The following USH2A variants were observed in gnomAD, a reference collection of about 807,000 sequenced individuals.
USH2A encodes Usher syndrome 2A (autosomal recessive, mild).
Under a neutral mutation model 538.9 loss-of-function variants are expected in USH2A, and 443 were observed. That is an observed-to-expected ratio of 0.82 (90% CI 0.76 to 0.89). The LOEUF (loss-of-function observed/expected upper bound fraction) is 0.89. Ranked by LOEUF, USH2A falls within the 40% of genes least tolerant of loss-of-function variation. The pLI, the probability that USH2A is intolerant of heterozygous loss-of-function variation, is 0.00. For missense variants in USH2A, 6,633 were observed against 6,324.8 expected (o/e 1.05, Z -1.65); for synonymous variants, 2,413 against 2,273.5 (o/e 1.06, Z -1.75).
chr1:216,066,948 G>A (rs572877254), intron 30 of USH2A, among the ~76,000 whole-genome samples: 5 of 152,178 alleles, frequency 3.3e-5, no homozygotes, highest in Non-Finnish European at 7.3e-5. Flanking sequence ...CTTCGATGCA[G>A]TTATTCCACT....
At chr1:216,372,743 G>A (rs530285574) in intron 3 of USH2A, among the ~76,000 whole-genome samples, 1 of 152,142 alleles carries the variant, frequency 6.6e-6, no homozygotes, top group Non-Finnish European at 1.5e-5. Flanking sequence ...AATAGGGAGA[G>A]TTCCAGCTGG....
chr1:216,055,638 C>A (rs114824374), intron 30 of USH2A, among the ~76,000 whole-genome samples: 2 of 152,160 alleles, frequency 1.3e-5, no homozygotes, highest in Non-Finnish European at 2.9e-5. Flanking sequence ...TGGATGAAAA[C>A]TTAACTATCT....
intron 20 of USH2A, among the ~76,000 whole-genome samples, chr1:216,178,363 A>G (rs1375092556): frequency 2.0e-5 from 3 of 152,172 alleles, no homozygotes; most frequent in African/African-American, 7.2e-5. Flanking sequence ...ATTTCATTCT[A>G]CAAGTTATGA....
chr1:216,371,361 T>C (rs187272553), intron 3 of USH2A, among the ~76,000 whole-genome samples: 1 of 152,316 alleles, frequency 6.6e-6, no homozygotes, highest in African/African-American at 2.4e-5. Flanking sequence ...GCTCCAGAAA[T>C]ACTACAATCT....
intron 61 of USH2A, among the ~76,000 whole-genome samples, chr1:215,690,897 T>C (rs1030861543): frequency 2.6e-5 from 4 of 152,114 alleles, no homozygotes; most frequent in African/African-American, 9.7e-5. Context: ...TTGCCTTTTT[T>C]TCTCTTTTTT....
At chr1:216,234,365 T>C (rs1450020600) in intron 13 of USH2A, among the ~76,000 whole-genome samples, 3 of 152,176 alleles carry the variant, frequency 2.0e-5, no homozygotes, top group Admixed American at 6.5e-5. Flanking sequence ...TACTATCATT[T>C]TTATCATAAT....
intron 24 of USH2A, 101 bp from the exon 25 acceptor site, chr1:216,084,978 C>T: frequency 9.0e-7 from 1 of 1,115,218 alleles, no homozygotes; most frequent in Non-Finnish European, 1.3e-6. Flanking sequence ...GGCACTAGCT[C>T]TCACTACCTA....
chr1:215,677,827 A>G (rs988798685), intron 62 of USH2A, among the ~76,000 whole-genome samples: 2 of 152,172 alleles, frequency 1.3e-5, no homozygotes, highest in African/African-American at 2.4e-5. Flanking sequence ...ATGGGTTTAT[A>G]TAACATCCAC....
intron 44 of USH2A, among the ~76,000 whole-genome samples, chr1:215,863,187 A>G (rs1023086981): frequency 2.0e-5 from 3 of 152,162 alleles, no homozygotes; most frequent in Admixed American, 6.5e-5. Flanking sequence ...GAGTTTTGAA[A>G]TGGGTCATTA....
At chr1:215,905,716 C>T (rs1231268486) in intron 38 of USH2A, among the ~76,000 whole-genome samples, 1 of 151,954 alleles carries the variant, frequency 6.6e-6, no homozygotes, top group Non-Finnish European at 1.5e-5. Context: ...AGCCTCATTC[C>T]CTAGGGCTCC....
chr1:216,231,899 A>T, intron 14 of USH2A, 54 bp downstream of exon 14: 2 of 1,610,768 alleles, frequency 1.2e-6, no homozygotes. Flanking sequence ...CTGCCAAAAA[A>T]AGTTAACTGT....
intron 44 of USH2A, among the ~76,000 whole-genome samples, chr1:215,850,936 T>G (rs1191919275): frequency 6.6e-6 from 1 of 152,202 alleles, no homozygotes. Context: ...AATCTGCTCC[T>G]GAATGATCAT....
At chr1:215,655,429 A>C (rs532093759) in intron 64 of USH2A, among the ~76,000 whole-genome samples, 24 of 152,130 alleles carry the variant, frequency 1.6e-4, no homozygotes, top group Non-Finnish European at 2.9e-4. Context: ...CCTAATTTTC[A>C]CTTAAGGAGT....
intron 1 of USH2A, among the ~76,000 whole-genome samples, chr1:216,422,964 C>T (rs1362600644): frequency 6.6e-6 from 1 of 152,012 alleles, no homozygotes; most frequent in Non-Finnish European, 1.5e-5. Flanking sequence ...TACATTGTAA[C>T]CCAGAGCTAA....
intron 61 of USH2A, among the ~76,000 whole-genome samples, chr1:215,699,439 C>T (rs546747338): frequency 1.3e-5 from 2 of 152,268 alleles, no homozygotes; most frequent in South Asian, 2.1e-4. Context: ...ATTGATTCTT[C>T]CTATCCATGA....
chr1:216,355,359 GAAAGAAAGAAAGAAA>G (rs2038370961), intron 4 of USH2A, among the ~76,000 whole-genome samples: 1 of 149,458 alleles, frequency 6.7e-6, no homozygotes, highest in Non-Finnish European at 1.5e-5. Context: ...AAGAAAGAAA[GAAAGAAAGAAAGAAA>G]GAAGGAAAGA....
At chr1:215,735,729 A>C (rs1660137405) in intron 60 of USH2A, among the ~76,000 whole-genome samples, 2 of 152,068 alleles carry the variant, frequency 1.3e-5, no homozygotes, top group South Asian at 4.1e-4. Context: ...TATACTATAT[A>C]TTTAAAGGAA....
Position 216,122,528 on chromosome 1 carries a change from A to G in USH2A, c.4628-25315T>C, listed in dbSNP as rs183532382. Among the ~76,000 whole-genome samples the G allele has an allele frequency of 2.4e-3, 370 of 152,302 alleles. 1 individual carries two copies. Among genetic ancestry groups the G allele is most frequent in the Admixed American group, 3.5e-3 (54 of 15,296 alleles). Reference sequence around the variant, plus strand: ...TGCAGCCTGGTAACAGCCAGGCAGCAATACTGGTTTTAGGATACTAGGCAG... The same window carrying G: ...TGCAGCCTGGTAACAGCCAGGCAGCGATACTGGTTTTAGGATACTAGGCAG... On this transcript the variant is annotated intron_variant, in intron 21 of 71. Transcript: ENST00000307340.
At chr1:216,407,899 G>A (rs770683103) in intron 3 of USH2A, among the ~76,000 whole-genome samples, 1 of 151,294 alleles carries the variant, frequency 6.6e-6, no homozygotes, top group Non-Finnish European at 1.5e-5. Context: ...AATTACCATA[G>A]TGGCATTTTC....
Sources: allele counts gnomAD v4.1 joint callset (sites outside exome capture counted in the v4.1 genomes callset), GRCh38; gene constraint gnomAD v4.1.1; transcripts MANE v1.5; gene names NCBI Gene and HGNC (gene_info 2026-07-23, HGNC 2026-07-21).